The following ARHGAP15 variants were observed in gnomAD, a reference collection of about 807,000 sequenced individuals.
ARHGAP15 encodes rho GTPase-activating protein 15.
Under a neutral mutation model 63.7 loss-of-function variants are expected in ARHGAP15, and 51 were observed. The ratio of observed to expected loss-of-function variants is 0.80; its 90% confidence interval spans 0.64 to 1.01. The LOEUF (loss-of-function observed/expected upper bound fraction) is 1.01, where lower values mean the gene tolerates loss of function less well. Among genes scored for constraint, ARHGAP15 ranks in the 50% least tolerant of loss-of-function variants. The pLI, the probability that ARHGAP15 is intolerant of heterozygous loss-of-function variation, is 0.00. For missense variants in ARHGAP15, 560 were observed against 564.6 expected (o/e 0.99, Z 0.08); for synonymous variants, 191 against 193.8 (o/e 0.99, Z 0.12).
At chr2:143,144,399 C>G (rs931103907) in intron 1 of ARHGAP15, among the ~76,000 whole-genome samples, 5 of 151,894 alleles carry the variant, frequency 3.3e-5, no homozygotes, top group Non-Finnish European at 7.4e-5. Context: ...CTTTTATGAA[C>G]TATTTTTTAA....
chr2:143,745,714 C>A (rs1686138744), intron 13 of ARHGAP15, among the ~76,000 whole-genome samples: 1 of 152,174 alleles, frequency 6.6e-6, no homozygotes, highest in Non-Finnish European at 1.5e-5. Context: ...TGTTTCTGAG[C>A]TTGTCAACTT....
chr2:143,589,402 A>T (rs2105164699), intron 11 of ARHGAP15, among the ~76,000 whole-genome samples: 1 of 152,350 alleles, frequency 6.6e-6, no homozygotes, highest in East Asian at 1.9e-4. Flanking sequence ...GAACACAGGC[A>T]TCACACTGTG....
At chr2:143,272,343 GA>G (rs1681327868) in intron 6 of ARHGAP15, among the ~76,000 whole-genome samples, 3 of 152,156 alleles carry the variant, frequency 2.0e-5, no homozygotes, top group Admixed American at 6.5e-5. Flanking sequence ...AAAAGTTCTA[GA>G]AATGGGCCAG....
In ARHGAP15 at chr2:143,734,499, T is replaced by C. The variant is rs140915843; in HGVS notation, c.1244+30975T>C. On this transcript the variant is annotated intron_variant, in intron 13 of 13. Transcript: ENST00000295095. ...TCATAAATCCCCCTTTGTTCCCTCG[T>C]AAAAAATTGTGTTTTAAAAATTCAA... Among the ~76,000 whole-genome samples, 478 of 152,312 alleles carry C rather than the reference T, an allele frequency of 3.1e-3. 3 individuals are homozygous for C. Among genetic ancestry groups the C allele is most frequent in the African/African-American group, 0.011 (447 of 41,574 alleles).
chr2:143,467,569 A>G (rs1021054591), intron 8 of ARHGAP15, among the ~76,000 whole-genome samples: 2 of 152,028 alleles, frequency 1.3e-5, no homozygotes, highest in Non-Finnish European at 2.9e-5. Flanking sequence ...ACTAAAATAA[A>G]CCCAGGTACC....
chr2:143,477,682 G>T (rs990163182), intron 8 of ARHGAP15, among the ~76,000 whole-genome samples: 1 of 151,660 alleles, frequency 6.6e-6, no homozygotes, highest in African/African-American at 2.4e-5. Context: ...AAAAAAGAAA[G>T]AATGGGTAGG....
chr2:143,654,969 C>T (rs1331428495), intron 12 of ARHGAP15, among the ~76,000 whole-genome samples: 1 of 152,140 alleles, frequency 6.6e-6, no homozygotes, highest in Non-Finnish European at 1.5e-5. Context: ...TGGTGGCACA[C>T]ATCTGTATTC....
At chr2:143,312,945 T>C (rs537430725) in intron 6 of ARHGAP15, among the ~76,000 whole-genome samples, 3 of 152,312 alleles carry the variant, frequency 2.0e-5, no homozygotes, top group Admixed American at 6.5e-5. Context: ...AAGACTGCCC[T>C]CTTAGTGTTT....
At chr2:143,745,722 C>G (rs1037590314) in intron 13 of ARHGAP15, among the ~76,000 whole-genome samples, 9 of 152,190 alleles carry the variant, frequency 5.9e-5, no homozygotes, top group Non-Finnish European at 1.3e-4. Flanking sequence ...AGCTTGTCAA[C>G]TTTCCTTGCA....
In ARHGAP15 at chr2:143,305,036, T is replaced by C. The variant is rs539503550; in HGVS notation, c.474+54436T>C. The stretch of plus-strand genomic sequence containing the variant: ...AAAGACACATGCACACATATGTCTA[T>C]TGTGGCACTGCTCACGATAGCAAAG... On this transcript the variant is annotated intron_variant, in intron 6 of 13. Coordinates refer to ENST00000295095, the MANE Select transcript of ARHGAP15 (RefSeq NM_018460.4). Among the ~76,000 whole-genome samples, 179 of 152,230 alleles carry C rather than the reference T, an allele frequency of 1.2e-3. 1 individual carries two copies. Among genetic ancestry groups the C allele is most frequent in the African/African-American group, 4.2e-3 (173 of 41,546 alleles).
At chr2:143,235,893 G>A (rs1206205326) in intron 5 of ARHGAP15, 3 of 1,514,642 alleles carry the variant, frequency 2.0e-6, no homozygotes, top group Non-Finnish European at 1.8e-6. Context: ...ATTGACTCTA[G>A]CACTTCATTT....
At chr2:143,478,898 T>C (rs529320424) in intron 8 of ARHGAP15, among the ~76,000 whole-genome samples, 1 of 152,344 alleles carries the variant, frequency 6.6e-6, no homozygotes, top group Admixed American at 6.5e-5. Flanking sequence ...CTGAAAATTT[T>C]GTTTGGAAAA....
chr2:143,138,442 G>T (rs979556896), intron 1 of ARHGAP15, among the ~76,000 whole-genome samples: 1 of 152,058 alleles, frequency 6.6e-6, no homozygotes, highest in African/African-American at 2.4e-5. Flanking sequence ...TATTCATGAG[G>T]CCCTAGAGTC....
At chr2:143,155,786 T>G (rs1690053451) in intron 2 of ARHGAP15, 131 bp downstream of exon 2, 2 of 874,024 alleles carry the variant, frequency 2.3e-6, no homozygotes, top group South Asian at 2.0e-5. Flanking sequence ...TGTAATGCAT[T>G]TTATCTTGCA....
At chr2:143,313,780 G>A (rs1470929386) in intron 6 of ARHGAP15, among the ~76,000 whole-genome samples, 5 of 152,112 alleles carry the variant, frequency 3.3e-5, no homozygotes, top group African/African-American at 1.2e-4. Context: ...TAGCCACATT[G>A]TCGTTTCTTT....
chr2:143,468,598 C>T (rs755883766), intron 8 of ARHGAP15, among the ~76,000 whole-genome samples: 1 of 151,352 alleles, frequency 6.6e-6, no homozygotes, highest in Non-Finnish European at 1.5e-5. Flanking sequence ...CACAATATAA[C>T]TCACCTAGCC....
At position 143,250,516 on chromosome 2, in the gene ARHGAP15, T is replaced by C; in HGVS notation, c.390T>C (p.Thr130=). 1 of 1,613,134 alleles carries C rather than the reference T, an allele frequency of 6.2e-7. No homozygotes were observed. The highest frequency in any genetic ancestry group is 8.5e-7 in the Non-Finnish European group (1 of 1,179,310). The change falls in exon 6 of 14, where the codon ACT becomes ACC. Residue 130 remains threonine (T), a synonymous_variant. Transcript: ENST00000295095. The part of the protein sequence containing the change: ...SKQQALSNMK[T]GHKPESVDLC... ...CTTCATTTTTGTGATTACAGAAAAC[T>C]GGGCACAAACCAGAAAGTGTGGATT...
At chr2:143,487,542 G>T in intron 9 of ARHGAP15, 47 bp downstream of exon 9, 2 of 1,579,192 alleles carry the variant, frequency 1.3e-6, no homozygotes, top group Non-Finnish European at 1.7e-6. Flanking sequence ...AAATGAATGT[G>T]CCTCTGTGTT....
chr2:143,577,320 T>C (rs1189098428), intron 11 of ARHGAP15, among the ~76,000 whole-genome samples: 1 of 152,132 alleles, frequency 6.6e-6, no homozygotes, highest in Non-Finnish European at 1.5e-5. Flanking sequence ...ATATTTGATC[T>C]TTCAAGATAT....
Sources: allele counts gnomAD v4.1 joint callset (sites outside exome capture counted in the v4.1 genomes callset), GRCh38; gene constraint gnomAD v4.1.1; transcripts MANE v1.5; gene names NCBI Gene and HGNC (gene_info 2026-07-23, HGNC 2026-07-21).